SCD5: variants seen among roughly 807,000 people sequenced by gnomAD.
The protein encoded by SCD5 is acyl-CoA-desaturase 4.
A neutral mutation model predicts 30.4 loss-of-function variants in SCD5; 20 were observed. The ratio of observed to expected loss-of-function variants is 0.66; its 90% CI spans 0.46 to 0.96. The LOEUF (loss-of-function observed/expected upper bound fraction) is 0.96, where lower values mean the gene tolerates loss of function less well. Ranked by LOEUF, SCD5 falls within the 40% of genes least tolerant of loss-of-function variation. The pLI, the probability that SCD5 is intolerant of heterozygous loss-of-function variation, is 0.00. For synonymous variants in SCD5, 173 were observed against 176.4 expected, an observed-to-expected ratio of 0.98 and a Z score of 0.16; for missense variants, 381 against 443.3, an observed-to-expected ratio of 0.86 and a Z score of 1.26.
intron 3 of SCD5, among the ~76,000 whole-genome samples, chr4:82,645,759 T>G (rs1281178160): frequency 6.6e-6 from 1 of 152,208 alleles, no homozygotes; most frequent in Admixed American, 6.5e-5. Flanking sequence ...TCAGCTCCAA[T>G]AAACTGGATC....
intron 1 of SCD5, among the ~76,000 whole-genome samples, chr4:82,731,249 T>C (rs1720637893): frequency 6.6e-6 from 1 of 152,186 alleles, no homozygotes. Flanking sequence ...ATTTTGCTTT[T>C]GTCAGGAATC....
intron 1 of SCD5, among the ~76,000 whole-genome samples, chr4:82,738,615 C>T (rs1256516969): frequency 6.6e-6 from 1 of 152,212 alleles, no homozygotes; most frequent in Non-Finnish European, 1.5e-5. Flanking sequence ...CACTCCTTCA[C>T]CTTAGCCAAC....
At chr4:82,660,814 C>A (rs1727983779) in intron 3 of SCD5, 12 of 1,610,050 alleles carry the variant, frequency 7.5e-6, no homozygotes, top group Non-Finnish European at 1.0e-5. Context: ...GGTGTGGAGT[C>A]CCCGTCTGTT....
chr4:82,745,022 G>T (rs919422121), intron 1 of SCD5, among the ~76,000 whole-genome samples: 2 of 152,106 alleles, frequency 1.3e-5, no homozygotes, highest in African/African-American at 4.8e-5. Context: ...CCTATTTCTG[G>T]CTATGGAAAA....
intron 1 of SCD5, among the ~76,000 whole-genome samples, chr4:82,752,360 G>T (rs900632034): frequency 1.3e-5 from 2 of 151,734 alleles, no homozygotes; most frequent in African/African-American, 4.8e-5. Context: ...GGAAGCACAG[G>T]GACGTGGGAA....
intron 1 of SCD5, among the ~76,000 whole-genome samples, chr4:82,712,297 T>TATATATATACA (rs1560540874): frequency 3.0e-5 from 1 of 33,766 alleles, no homozygotes; most frequent in Admixed American, 3.7e-4. Context: ...TATATATATA[T>TATATATATACA]TTTATTTTTA....
intron 1 of SCD5, among the ~76,000 whole-genome samples, chr4:82,756,273 C>T (rs538056139): frequency 1.8e-4 from 27 of 152,338 alleles, no homozygotes; most frequent in African/African-American, 6.5e-4. Flanking sequence ...ACCCCCTCTC[C>T]TGCCCTCCTG....
chr4:82,796,487 G>T (rs1722223715), intron 1 of SCD5, among the ~76,000 whole-genome samples: 1 of 152,262 alleles, frequency 6.6e-6, no homozygotes, highest in South Asian at 2.1e-4. Context: ...CACAGAGAGC[G>T]GTCCGGAAAG....
chr4:82,672,053 A>G (rs1728338561), intron 3 of SCD5, among the ~76,000 whole-genome samples: 1 of 152,244 alleles, frequency 6.6e-6, no homozygotes, highest in African/African-American at 2.4e-5. Context: ...ATGCCATAAA[A>G]GCAGTGCTTA....
chr4:82,641,957 G>A (rs530860690), intron 3 of SCD5, among the ~76,000 whole-genome samples: 4 of 152,026 alleles, frequency 2.6e-5, no homozygotes, highest in African/African-American at 4.8e-5. Context: ...TCTTGGACAC[G>A]GTAAGAGGGA....
intron 1 of SCD5, among the ~76,000 whole-genome samples, chr4:82,774,607 C>T (rs1003863622): frequency 6.6e-6 from 1 of 152,118 alleles, no homozygotes; most frequent in African/African-American, 2.4e-5. Context: ...AGAGTAGCCC[C>T]AGGTTTTGAG....
At chr4:82,683,577 G>A (rs4693487) in intron 2 of SCD5, among the ~76,000 whole-genome samples, 143,660 of 152,292 alleles carry the variant, frequency 0.94, 67,876 homozygotes, top group East Asian at 1. Flanking sequence ...GATCTTTTAT[G>A]GAAAACTTTC....
chr4:82,730,985 G>A (rs993102120), intron 1 of SCD5, among the ~76,000 whole-genome samples: 6 of 152,074 alleles, frequency 3.9e-5, no homozygotes, highest in African/African-American at 1.2e-4. Context: ...AAAACAAGTC[G>A]AAACTTCCTG....
At chr4:82,696,137 T>C (rs1381124555) in intron 2 of SCD5, among the ~76,000 whole-genome samples, 2 of 152,170 alleles carry the variant, frequency 1.3e-5, no homozygotes, top group Non-Finnish European at 2.9e-5. Flanking sequence ...TGGAAGAAGG[T>C]AAAAATAATC....
Position 82,732,595 on chromosome 4 carries a change from T to C in SCD5, c.233-27182A>G, listed in dbSNP as rs551411362. 5.0e-4 allele frequency among the ~76,000 whole-genome samples: 76 copies of C among 152,202 alleles called. 1 individual carries two copies. The highest frequency in any genetic ancestry group is 6.5e-4 in the Non-Finnish European group (44 of 68,038). On this transcript the variant is annotated intron_variant, in intron 1 of 4. Transcript: ENST00000319540. ...CCAAGGTTGGTTACCACCTTGTGCCTTGAGTTGCTGGGGACAGGCTCCGGC... is the reference window on the plus strand; with the variant it reads ...CCAAGGTTGGTTACCACCTTGTGCCCTGAGTTGCTGGGGACAGGCTCCGGC...
chr4:82,648,565 G>A (rs544067718), intron 3 of SCD5, among the ~76,000 whole-genome samples: 1 of 152,172 alleles, frequency 6.6e-6, no homozygotes, highest in African/African-American at 2.4e-5. Context: ...GATTGAGGTA[G>A]GAGTCTCGGT....
chr4:82,701,339 A>G (rs879755850), intron 2 of SCD5, among the ~76,000 whole-genome samples: 2 of 152,346 alleles, frequency 1.3e-5, no homozygotes, highest in Admixed American at 1.3e-4. Context: ...ATACACAAAT[A>G]AAAAGTAAGA....
chr4:82,648,637 T>G (rs1207984241), intron 3 of SCD5, among the ~76,000 whole-genome samples: 1 of 152,216 alleles, frequency 6.6e-6, no homozygotes, highest in Non-Finnish European at 1.5e-5. Flanking sequence ...TATTTACTTA[T>G]TAAATTTTGC....
chr4:82,701,110 C>T (rs898655240), intron 2 of SCD5, among the ~76,000 whole-genome samples: 3 of 152,168 alleles, frequency 2.0e-5, no homozygotes, highest in Non-Finnish European at 4.4e-5. Context: ...ATTGGGAATA[C>T]ACTGTTAGAA....
Sources: allele counts gnomAD v4.1 joint callset (sites outside exome capture counted in the v4.1 genomes callset), GRCh38; gene constraint gnomAD v4.1.1; transcripts MANE v1.5; gene names NCBI Gene and HGNC (gene_info 2026-07-23, HGNC 2026-07-21).